SHROOM2: variants seen among roughly 807,000 people sequenced by gnomAD.
The protein encoded by SHROOM2 is shroom family member 2, also known as protein Shroom2.
A neutral mutation model predicts 75.9 loss-of-function variants in SHROOM2; 33 were observed. The observed-to-expected ratio is 0.43, with a 90% CI of 0.33 to 0.58. The LOEUF (loss-of-function observed/expected upper bound fraction) is 0.58, where lower values mean the gene tolerates loss of function less well. SHROOM2 is among the 20% of genes least tolerant of loss of function. The probability of loss-of-function intolerance (pLI) is 0.04; values close to 1 mark genes in which losing one functional copy is unlikely to be tolerated. For synonymous variants in SHROOM2, 655 were observed against 663.6 expected, an observed-to-expected ratio of 0.99 and a Z score of 0.20; for missense variants, 1,434 against 1,461.2, an observed-to-expected ratio of 0.98 and a Z score of 0.30.
At chrX:9,841,612 G>A (rs2083979989) in intron 1 of SHROOM2, among the ~76,000 whole-genome samples, 1 of 111,883 alleles carries the variant, frequency 8.9e-6, no homozygotes, top group Admixed American at 9.5e-5. Context: ...CCACAGCATA[G>A]GCAGGCAGTT....
At position 9,859,436 on chromosome X, in the gene SHROOM2, G is replaced by C. The variant is rs1368586479; in HGVS notation, c.166-14216G>C. Among the ~76,000 whole-genome samples the C allele has an allele frequency of 6.2e-5, 7 of 112,153 alleles. No individual in the cohort carries two copies. The East Asian group carries it at 1.4e-3, about 22-fold the overall frequency. On this transcript the variant is annotated intron_variant, in intron 1 of 9. Coordinates refer to ENST00000380913, the MANE Select transcript of SHROOM2 (RefSeq NM_001649.4). ...TTGTCATCAGTGAGATGCTAGTCTT[G>C]TTGTGGGATGAGAAGCATAAGCTGG... is the stretch of plus-strand genomic sequence containing the variant.
intron 1 of SHROOM2, among the ~76,000 whole-genome samples, chrX:9,864,835 T>A (rs778503653): frequency 0.011 from 1,108 of 103,510 alleles, 27 homozygotes; most frequent in African/African-American, 0.037. Context: ...AAAAAATAAA[T>A]AAATAAATAA....
rs752848204 is a variant in SHROOM2, at chrX:9,944,048, G to T, written c.4312-593G>T. On this transcript the variant is annotated intron_variant, in intron 8 of 9. Coordinates refer to ENST00000380913, the MANE Select transcript of SHROOM2 (RefSeq NM_001649.4). ...AATACAAAAATTAGCCAAGTGTGGT[G>T]GTGCACGCCTGTAATCCCAGCTACT... Among the ~76,000 whole-genome samples the T allele has an allele frequency of 2.7e-5, 3 of 110,798 alleles. No homozygotes were observed. In the South Asian group the frequency reaches 1.2e-3, roughly 43 times the overall value.
At chrX:9,884,187 C>T (rs1192033489) in intron 2 of SHROOM2, among the ~76,000 whole-genome samples, 1 of 110,492 alleles carries the variant, frequency 9.1e-6, no homozygotes, top group Non-Finnish European at 1.9e-5. Flanking sequence ...CGTAGGCTCC[C>T]AGCAGGCCAA....
At chrX:9,877,202 C>T (rs1227315016) in intron 2 of SHROOM2, among the ~76,000 whole-genome samples, 4 of 111,730 alleles carry the variant, frequency 3.6e-5, no homozygotes, top group Non-Finnish European at 5.7e-5. Context: ...GAAAGCGATG[C>T]GGGAGGAGAC....
chrX:9,895,458 G>A lies in SHROOM2; in HGVS notation c.1550G>A (p.Arg517His), dbSNP rs61744793. The A allele has an allele frequency of 7.1e-4, 863 of 1,207,962 alleles. 3 individuals carry two copies. In the African/African-American group the frequency reaches 0.012, roughly 17 times the overall value. Residue 517 changes from arginine (R) to histidine (H), a missense_variant, in exon 4 of 10, where the codon CGC (arginine) becomes CAC (histidine). By Grantham distance (29) the Arg-to-His change is conservative. Transcript: ENST00000380913. Reference sequence around the variant, plus strand: ...CCACCCACGGTGGGCCAGAGCCCACGCCATCACCTACCTCAGCCTGAGGGT... The same window carrying A: ...CCACCCACGGTGGGCCAGAGCCCACACCATCACCTACCTCAGCCTGAGGGT... ...LPPPTVGQSP[R>H]HHLPQPEGPP...
rs950005364 is a variant in SHROOM2, at chrX:9,937,542, C to T, written c.3996C>T (p.Asp1332=). Residue 1332 remains aspartate, a synonymous_variant, in exon 7 of 10, where the codon GAC becomes GAT. Transcript: ENST00000380913. ...TGGGGAAGGATAAGTCCCTGGCCGA[C>T]ATCCTGGATCCCAGTGTGAAGATCA... ...EIVGKDKSLA[D]ILDPSVKIKT... 1.7e-6 allele frequency: 2 copies of T among 1,210,205 alleles called. No homozygotes were observed. The highest frequency in any genetic ancestry group is 2.2e-6 in the Non-Finnish European group (2 of 895,261).
chrX:9,878,139 G>A (rs979839772), intron 2 of SHROOM2, among the ~76,000 whole-genome samples: 11 of 111,694 alleles, frequency 9.8e-5, no homozygotes, highest in Non-Finnish European at 1.9e-4. Context: ...TTACCCTTTT[G>A]GCTTTTTCCC....
intron 1 of SHROOM2, among the ~76,000 whole-genome samples, chrX:9,830,700 C>T (rs1174782389): frequency 1.0e-5 from 1 of 97,523 alleles, no homozygotes; most frequent in Non-Finnish European, 2.0e-5. Context: ...CTCTTGGGTT[C>T]GAGCGATTCT....
chrX:9,805,476 C>T (rs996226022), intron 1 of SHROOM2, among the ~76,000 whole-genome samples: 2 of 112,140 alleles, frequency 1.8e-5, no homozygotes, highest in Non-Finnish European at 3.8e-5. Context: ...TGGTGGCTCA[C>T]GCCTGTAATC....
intron 1 of SHROOM2, among the ~76,000 whole-genome samples, chrX:9,814,303 C>G (rs1377825273): frequency 9.0e-6 from 1 of 111,595 alleles, no homozygotes; most frequent in Non-Finnish European, 1.9e-5. Context: ...AAGCAGAGTC[C>G]CTACTTAGTG....
At position 9,946,727 on chromosome X, in the gene SHROOM2, G is replaced by T; in HGVS notation, c.4641G>T (p.Glu1547Asp). 2 of 1,206,682 alleles carry T rather than the reference G, an allele frequency of 1.7e-6. No homozygotes were observed. The highest frequency in any genetic ancestry group is 2.2e-6 in the Non-Finnish European group (2 of 892,532). The change falls in exon 10 of 10, where the codon GAG becomes GAT. Residue 1547 changes from glutamate (E) to aspartate (D), a missense_variant. This residue lies in a region of SHROOM2 where 80 missense variants were observed against 88.4 expected (regional missense o/e 0.90). Transcript: ENST00000380913. ...VLIQQHEDAK[E>D]LKENLDRRER... ...TCCAGCAGCACGAGGACGCCAAGGA[G>T]CTCAAGGAGAACCTGGACCGCCGCG...
intron 1 of SHROOM2, among the ~76,000 whole-genome samples, chrX:9,801,190 A>G (rs1385115779): frequency 8.9e-6 from 1 of 111,822 alleles, no homozygotes; most frequent in Non-Finnish European, 1.9e-5. Flanking sequence ...TTATAAAACC[A>G]TCAGATCTCA....
chrX:9,827,791 C>T (rs144056180), intron 1 of SHROOM2, among the ~76,000 whole-genome samples: 1,428 of 110,193 alleles, frequency 0.013, 18 homozygotes, highest in African/African-American at 0.044. Context: ...GGCCTTCCTC[C>T]GCTGAGAGAA....
rs1428446849 is a variant in SHROOM2 at position 9,898,088 on chromosome X, T to C, written c.2791-102T>C. On this transcript the variant is annotated intron_variant, in intron 4 of 9. Transcript: ENST00000380913. ...ATCTCAATGAAATGCTTTGTAGAACTGCCCTGGCAAGGCAAACCCACAAAT... is the reference window on the plus strand; with the variant it reads ...ATCTCAATGAAATGCTTTGTAGAACCGCCCTGGCAAGGCAAACCCACAAAT... 10 of 653,174 alleles carry C rather than the reference T, an allele frequency of 1.5e-5. No individual in the cohort carries two copies. The East Asian group carries it at 3.5e-4, about 23-fold the overall frequency. The allele number at this position is 653,174 out of a possible 1,213,427, so 53.8% of individuals were successfully genotyped here.
chrX:9,823,103 T>C (rs1332573535), intron 1 of SHROOM2, among the ~76,000 whole-genome samples: 1 of 82,183 alleles, frequency 1.2e-5, no homozygotes, highest in African/African-American at 4.6e-5. Context: ...TCCTTCTCCC[T>C]TCTCCTTCTC....
At chrX:9,890,930 G>T in intron 2 of SHROOM2, 47 bp from the exon 3 acceptor site, 2 of 1,150,770 alleles carry the variant, frequency 1.7e-6, no homozygotes, top group Non-Finnish European at 2.3e-6. Flanking sequence ...GAGAGTGAGC[G>T]CTGTGTGCAG....
chrX:9,826,513 T>C (rs60664181), intron 1 of SHROOM2, among the ~76,000 whole-genome samples: 3,081 of 111,568 alleles, frequency 0.028, 107 homozygotes, highest in African/African-American at 0.095. Flanking sequence ...GGCTCACTCC[T>C]GTAATCCCAG....
chrX:9,930,506 CA>C (rs201521221), intron 5 of SHROOM2, among the ~76,000 whole-genome samples: 10,598 of 70,475 alleles, frequency 0.15, 1,389 homozygotes, highest in African/African-American at 0.41. Context: ...GACCCTGTCT[CA>C]AAAAAAAAAA....
Sources: gnomAD v4.1 joint callset for allele counts (sites outside exome capture counted in the v4.1 genomes callset) on GRCh38, gnomAD v4.1.1 for gene constraint, gnomAD v4.1.1 regional missense constraint, MANE v1.5 for transcripts, NCBI Gene and HGNC (gene_info 2026-07-23, HGNC 2026-07-21) for gene names.